The following CDH5 variants were observed in gnomAD, a reference collection of about 807,000 sequenced individuals.
CDH5 encodes the protein cadherin-5.
In CDH5, 28 loss-of-function variants were observed where a neutral mutation model predicts 62.0. That is an observed-to-expected ratio of 0.45 (90% confidence interval 0.33 to 0.62). The LOEUF is 0.62. Among genes scored for constraint, CDH5 ranks in the 20% least tolerant of loss-of-function variants. The pLI, the probability that CDH5 is intolerant of heterozygous loss-of-function variation, is 0.02. For missense variants in CDH5, 940 were observed against 1,065.1 expected (o/e 0.88, Z 1.63); for synonymous variants, 464 against 445.8 (o/e 1.04, Z -0.52).
At position 66,379,418 on chromosome 16, in the gene CDH5, T is replaced by C. The variant is rs752617680; in HGVS notation, c.81T>C (p.Gly27=). ...LLAVAAVAAA[G]ANPAQRDTHS... ...CAGTGGCAGCAGTGGCAGCAGCAGG[T>C]GCTAACCCTGCCCAACGGGACACCC... Residue 27 remains glycine, a synonymous_variant, in exon 2 of 12, where the codon GGT becomes GGC. Coordinates refer to ENST00000341529, the MANE Select transcript of CDH5 (RefSeq NM_001795.5). The C allele has an allele frequency of 1.2e-6, 2 of 1,613,926 alleles. No homozygotes were observed. Among genetic ancestry groups the C allele is most frequent in the South Asian group, 1.1e-5 (1 of 91,086 alleles).
At chr16:66,394,777 T>C (rs1464719054) in intron 7 of CDH5, among the ~76,000 whole-genome samples, 1 of 151,304 alleles carries the variant, frequency 6.6e-6, no homozygotes, top group Non-Finnish European at 1.5e-5. Context: ...GTTTTTACTT[T>C]ATATTGAGAT....
intron 1 of CDH5, among the ~76,000 whole-genome samples, chr16:66,370,264 T>G (rs1960662078): frequency 6.6e-6 from 1 of 152,098 alleles, no homozygotes; most frequent in African/African-American, 2.4e-5. Context: ...CCTCCCAAAG[T>G]GCTGGGATTT....
At chr16:66,390,661 G>A in intron 6 of CDH5, 71 bp downstream of exon 6, 1 of 1,440,136 alleles carries the variant, frequency 6.9e-7, no homozygotes, top group South Asian at 1.2e-5. Flanking sequence ...TCCTGCTTGG[G>A]GATTGCTCCT....
chr16:66,400,287 A>G (rs575669635), intron 10 of CDH5, among the ~76,000 whole-genome samples: 86 of 152,378 alleles, frequency 5.6e-4, no homozygotes, highest in African/African-American at 1.9e-3. Flanking sequence ...GGACATGTCC[A>G]TTGTTTTTAC....
Position 66,403,031 on chromosome 16 carries a change from A to G in CDH5, c.2217A>G (p.Ile739Met), listed in dbSNP as rs774386462. Residue 739 changes from isoleucine (I) to methionine (M), a missense_variant, in exon 12 of 12, where the codon ATA (isoleucine) becomes ATG (methionine). Physicochemically the swap from Ile to Met is conservative, Grantham distance 10. Coordinates refer to ENST00000341529, the MANE Select transcript of CDH5 (RefSeq NM_001795.5). The surrounding 1 kb of genome is among the most constrained non-coding windows in gnomAD (Gnocchi z 4.3). ...HIYGYEGSES[I>M]AESLSSLGTD... ...ACGGCTACGAGGGCTCCGAGTCCAT[A>G]GCCGAGTCCCTCAGCTCCCTGGGCA... 6.3e-5 allele frequency: 101 copies of G among 1,613,426 alleles called. No homozygotes were observed. The highest frequency in any genetic ancestry group is 8.5e-5 in the Non-Finnish European group (100 of 1,179,774).
At position 66,388,232 on chromosome 16, in the gene CDH5, A is replaced by G. The variant is rs1435527132; in HGVS notation, c.500-92A>G. ...CAGGACCTGGGGGAGGTGGGGACAGAGCACAGCCTGAGCCCCATCTGCTCT... is the reference window on the plus strand; with the variant it reads ...CAGGACCTGGGGGAGGTGGGGACAGGGCACAGCCTGAGCCCCATCTGCTCT... On this transcript the variant is annotated intron_variant, in intron 3 of 11. Coordinates refer to ENST00000341529, the MANE Select transcript of CDH5 (RefSeq NM_001795.5). 6.3e-6 allele frequency: 5 copies of G among 796,430 alleles called. No homozygotes were observed. The Admixed American group carries it at 9.9e-5, about 16-fold the overall frequency. 49.3% of individuals were successfully genotyped at this position (796,430 alleles called of 1,614,324 possible). A position where few individuals can be genotyped will look rare whatever the true frequency, so the allele number is the denominator to read the frequency against.
chr16:66,397,244 G>A (rs1052822137), intron 8 of CDH5, among the ~76,000 whole-genome samples: 13 of 152,030 alleles, frequency 8.6e-5, no homozygotes, highest in African/African-American at 2.9e-4. Context: ...GAGAGAAACA[G>A]GGTCTCACTC....
intron 1 of CDH5, among the ~76,000 whole-genome samples, chr16:66,370,643 C>T (rs115375096): frequency 0.016 from 2,418 of 152,256 alleles, 58 homozygotes; most frequent in African/African-American, 0.055. Context: ...AGGCCCAGAA[C>T]CTGCCTGGGC....
chr16:66,390,368 AC>A (rs748823565), intron 5 of CDH5, 34 bp from the exon 6 acceptor site: 46 of 1,553,018 alleles, frequency 3.0e-5, no homozygotes, highest in Non-Finnish European at 3.8e-5. Context: ...TATCTCATTA[AC>A]CCAAAGCCCT....
intron 1 of CDH5, among the ~76,000 whole-genome samples, chr16:66,368,618 G>A (rs1209309157): frequency 6.6e-6 from 1 of 152,226 alleles, no homozygotes; most frequent in African/African-American, 2.4e-5. Context: ...ACTGTTCCCT[G>A]TATCCTCTCT....
At position 66,392,528 on chromosome 16, in the gene CDH5, C is replaced by G. The variant is rs529046714; in HGVS notation, c.1217+145C>G. On this transcript the variant is annotated intron_variant, in intron 7 of 11. Transcript: ENST00000341529. ...AAGTGACAGAGGCAAGACCAGAAGC[C>G]CAAGCTCTTGCACTTGGCAGCCTGG... 186 of 1,167,998 alleles carry G rather than the reference C, an allele frequency of 1.6e-4. 1 individual carries two copies. In the South Asian group the frequency reaches 2.2e-3, roughly 14 times the overall value. The allele number at this position is 1,167,998 out of a possible 1,614,324, so 72.4% of individuals were successfully genotyped here.
At chr16:66,389,574 CAG>C (rs777559790) in intron 5 of CDH5, 52 bp downstream of exon 5, 1 of 1,423,606 alleles carries the variant, frequency 7.0e-7, no homozygotes, top group Non-Finnish European at 9.4e-7. Flanking sequence ...ACCCCAGACT[CAG>C]TGACTTGGGG....
Position 66,400,801 on chromosome 16 carries a change from G to C in CDH5, c.1622G>C (p.Gly541Ala), listed in dbSNP as rs369980108. The change falls in exon 11 of 12, where the codon GGG (glycine) becomes GCG (alanine). Residue 541 changes from glycine to alanine, a missense_variant. Transcript: ENST00000341529. ...DNTANITVKY[G>A]QFDREHTKVH... is the part of the protein sequence containing the mutation. ...ACGGCCAACATCACAGTCAAGTATG[G>C]GCAGTTTGACCGGGAGCATACCAAG... is the stretch of plus-strand genomic sequence containing the variant. The C allele has an allele frequency of 6.2e-7, 1 of 1,614,196 alleles. No individual in the cohort carries two copies. The highest frequency in any genetic ancestry group is 8.5e-7 in the Non-Finnish European group (1 of 1,180,026).
Position 66,387,632 on chromosome 16 carries a change from A to G in CDH5, c.499+535A>G, listed in dbSNP as rs1961009619. On this transcript the variant is annotated intron_variant, in intron 3 of 11. Transcript: ENST00000341529. ...CTGGCCATCAGAGGCATATCTCACTACTCTTTGGAACAAACTTCACTCACT... is the reference window on the plus strand; with the variant it reads ...CTGGCCATCAGAGGCATATCTCACTGCTCTTTGGAACAAACTTCACTCACT... 2.0e-5 allele frequency among the ~76,000 whole-genome samples: 3 copies of G among 152,194 alleles called. No homozygotes were observed. In the South Asian group the frequency reaches 6.2e-4, roughly 32 times the overall value.
chr16:66,374,213 C>T (rs1269369106), intron 1 of CDH5, among the ~76,000 whole-genome samples: 3 of 152,102 alleles, frequency 2.0e-5, no homozygotes, highest in African/African-American at 7.2e-5. Context: ...GATGTCAGCC[C>T]TCCTCCACCG....
rs2142349208 is a variant in CDH5, at chr16:66,403,401, T to C, written c.*232T>C. The C allele has an allele frequency of 1.8e-6, 1 of 562,264 alleles. No individual in the cohort carries two copies. The highest frequency in any genetic ancestry group is 2.1e-5 in the South Asian group (1 of 47,864). 34.8% of individuals were successfully genotyped at this position (562,264 alleles called of 1,614,324 possible). ...AAATGCTGGCAAATCCAGGCTGGTGTTCTGTCTGGGCTCAGACATCCACAT... is the reference window on the plus strand; with the variant it reads ...AAATGCTGGCAAATCCAGGCTGGTGCTCTGTCTGGGCTCAGACATCCACAT... On this transcript the variant is annotated 3_prime_UTR_variant, in exon 12 of 12. Transcript: ENST00000341529. This position sits in a 1 kb window ranked among gnomAD's most constrained non-coding sequence, Gnocchi z 4.3.
Position 66,396,089 on chromosome 16 carries a change from C to T in CDH5, c.1248C>T (p.Gly416=). 1 of 1,613,960 alleles carries T rather than the reference C, an allele frequency of 6.2e-7. No individual in the cohort carries two copies. Among genetic ancestry groups the T allele is most frequent in the Non-Finnish European group, 8.5e-7 (1 of 1,180,010 alleles). The change falls in exon 8 of 12, where the codon GGC becomes GGT. Residue 416 remains glycine, a synonymous_variant. Coordinates refer to ENST00000341529, the MANE Select transcript of CDH5 (RefSeq NM_001795.5). ...CCATCCGCAGGACCAGTGACAAGGGCCAGTTCTTCCGAGTCACAAAAAAGG... is the reference window on the plus strand; with the variant it reads ...CCATCCGCAGGACCAGTGACAAGGGTCAGTTCTTCCGAGTCACAAAAAAGG... ...GYSIRRTSDK[G]QFFRVTKKGD...
rs1960759929 is a variant in CDH5 at position 66,375,005 on chromosome 16, A to G, written c.-19-4314A>G. ...ATGTGCATCTTAATGACTGGGACAC[A>G]TTCTGAAAAACGAGTTCAGGTGATT... On this transcript the variant is annotated intron_variant, in intron 1 of 11. Coordinates refer to ENST00000341529, the MANE Select transcript of CDH5 (RefSeq NM_001795.5). Among the ~76,000 whole-genome samples the G allele has an allele frequency of 2.0e-5, 3 of 151,922 alleles. No individual in the cohort carries two copies. The South Asian group carries it at 6.2e-4, about 32-fold the overall frequency.
chr16:66,379,138 CCTT>C, intron 1 of CDH5, 178 bp from the exon 2 acceptor site: 1 of 549,402 alleles, frequency 1.8e-6, no homozygotes. Flanking sequence ...CTAAAACCGA[CCTT>C]TCATCCGAGT....
Sources: gnomAD v4.1 joint callset for allele counts (sites outside exome capture counted in the v4.1 genomes callset) on GRCh38, gnomAD v4.1.1 for gene constraint, Gnocchi (gnomAD v3.1) non-coding constraint, MANE v1.5 for transcripts, NCBI Gene and HGNC (gene_info 2026-07-23, HGNC 2026-07-21) for gene names.